RBFOX1: variants seen among roughly 807,000 people sequenced by gnomAD.
RBFOX1 encodes RNA binding protein fox-1 homolog 1.
RBFOX1 carries 8 observed loss-of-function variants against 57.7 expected under a neutral mutation model. That is an observed-to-expected ratio of 0.14 (90% CI 0.08 to 0.25). The LOEUF (loss-of-function observed/expected upper bound fraction) is 0.25, where lower values mean the gene tolerates loss of function less well. Among genes scored for constraint, RBFOX1 ranks in the 10% least tolerant of loss-of-function variants. The probability of loss-of-function intolerance (pLI) is 1.00; values close to 1 mark genes in which losing one functional copy is unlikely to be tolerated. For missense variants in RBFOX1, 611 were observed against 548.5 expected (o/e 1.11, Z -1.14); for synonymous variants, 326 against 222.4 (o/e 1.47, Z -4.15).
intron 4 of RBFOX1, among the ~76,000 whole-genome samples, chr16:5,916,781 A>G (rs990400730): frequency 1.3e-5 from 2 of 152,102 alleles, no homozygotes; most frequent in African/African-American, 4.8e-5. Context: ...TATTAGCTTT[A>G]CTTCTCAAAG....
rs1567761417 is a variant in RBFOX1 at position 6,895,456 on chromosome 16, A to ATG, written c.-15-156600_-15-156599insGT. On this transcript the variant is annotated intron_variant, in intron 3 of 15. Coordinates refer to ENST00000550418, the MANE Select transcript of RBFOX1 (RefSeq NM_018723.4). ...TGTGTGTGTGTGTGTGTGTATATAT[A>ATG]TATATATATATATATATATATATAT... Among the ~76,000 whole-genome samples, 168 of 79,476 alleles carry ATG rather than the reference A, an allele frequency of 2.1e-3. 6 individuals carry two copies. The highest frequency in any genetic ancestry group is 5.2e-3 in the Admixed American group (45 of 8,670). 52.1% of individuals were successfully genotyped at this position (79,476 alleles called of 152,430 possible).
At chr16:6,931,220 C>T (rs1035858292) in intron 3 of RBFOX1, among the ~76,000 whole-genome samples, 1 of 151,460 alleles carries the variant, frequency 6.6e-6, no homozygotes, top group Non-Finnish European at 1.5e-5. Flanking sequence ...CTTCTCTCTA[C>T]TGATGGGAAT....
Position 6,650,519 on chromosome 16 carries a change from C to G in RBFOX1, c.-63-4084C>G, listed in dbSNP as rs35960854. Among the ~76,000 whole-genome samples the G allele has an allele frequency of 4.2e-3, 634 of 152,246 alleles. 7 individuals carry two copies. The highest frequency in any genetic ancestry group is 0.014 in the African/African-American group (590 of 41,536). On this transcript the variant is annotated intron_variant, in intron 2 of 15. Coordinates refer to ENST00000550418, the MANE Select transcript of RBFOX1 (RefSeq NM_018723.4). ...TCACAATTATCATGCCACAGAGTAA[C>G]TAAGGAATACCCACTTTGTCGAATG...
chr16:6,120,363 A>C (rs1193373438), intron 1 of RBFOX1, among the ~76,000 whole-genome samples: 1 of 152,200 alleles, frequency 6.6e-6, no homozygotes, highest in African/African-American at 2.4e-5. Context: ...GCTGTTTCCC[A>C]CAGCAGCCAC....
intron 3 of RBFOX1, among the ~76,000 whole-genome samples, chr16:5,755,807 A>G (rs2053373973): frequency 6.6e-6 from 1 of 152,148 alleles, no homozygotes; most frequent in Non-Finnish European, 1.5e-5. Context: ...CATGTTGGTC[A>G]GGCTGGTCTC....
At chr16:7,707,790 C>T (rs1054705501) in intron 14 of RBFOX1, among the ~76,000 whole-genome samples, 3 of 152,178 alleles carry the variant, frequency 2.0e-5, no homozygotes, top group East Asian at 1.9e-4. Context: ...AGGATCAGGT[C>T]GCAGATATTC....
At chr16:7,057,579 G>C (rs549966179) in intron 4 of RBFOX1, among the ~76,000 whole-genome samples, 1 of 152,340 alleles carries the variant, frequency 6.6e-6, no homozygotes, top group South Asian at 2.1e-4. Context: ...GATTGGCTTA[G>C]TCTGGATCAG....
At chr16:5,959,497 C>T (rs760136590) in intron 4 of RBFOX1, among the ~76,000 whole-genome samples, 1 of 152,092 alleles carries the variant, frequency 6.6e-6, no homozygotes, top group Non-Finnish European at 1.5e-5. Flanking sequence ...AGTAGTGTTC[C>T]TCATTTTGAG....
chr16:5,893,747 A>C (rs1292123336), intron 4 of RBFOX1, among the ~76,000 whole-genome samples: 2 of 152,030 alleles, frequency 1.3e-5, no homozygotes, highest in Admixed American at 6.6e-5. Flanking sequence ...CAGAGGTTGC[A>C]GTGAGCCAAG....
Position 6,844,897 on chromosome 16 carries a change from T to G in RBFOX1, c.-16+190247T>G, listed in dbSNP as rs533464125. ...CCATTCTGACTGGTGTGAGATGGTATCTCATTGTGGTTTTGATTTGAATTT... is the reference window on the plus strand; with the variant it reads ...CCATTCTGACTGGTGTGAGATGGTAGCTCATTGTGGTTTTGATTTGAATTT... On this transcript the variant is annotated intron_variant, in intron 3 of 15. Coordinates refer to ENST00000550418, the MANE Select transcript of RBFOX1 (RefSeq NM_018723.4). Among the ~76,000 whole-genome samples the G allele has an allele frequency of 2.0e-5, 3 of 152,338 alleles. No homozygotes were observed. The South Asian group carries it at 6.2e-4, about 32-fold the overall frequency.
chr16:6,927,174 G>A (rs1310470779), intron 3 of RBFOX1, among the ~76,000 whole-genome samples: 3 of 151,876 alleles, frequency 2.0e-5, no homozygotes, highest in Non-Finnish European at 4.4e-5. Flanking sequence ...GAATTGTTAG[G>A]TCTGGGTGGG....
intron 2 of RBFOX1, among the ~76,000 whole-genome samples, chr16:6,648,514 A>G (rs1433002895): frequency 6.6e-6 from 1 of 152,150 alleles, no homozygotes; most frequent in Non-Finnish European, 1.5e-5. Flanking sequence ...CCGTGAGTCT[A>G]ATGCCAGGAG....
intron 2 of RBFOX1, among the ~76,000 whole-genome samples, chr16:5,470,233 G>C (rs965882828): frequency 6.6e-6 from 1 of 152,204 alleles, no homozygotes; most frequent in Admixed American, 6.5e-5. Context: ...TCAGCCCTGG[G>C]TAGCATGGTT....
At chr16:6,118,658 CTCCTTCCTTCCTTCCTTCT>C (rs2096524434) in intron 1 of RBFOX1, among the ~76,000 whole-genome samples, 1 of 150,106 alleles carries the variant, frequency 6.7e-6, no homozygotes, top group African/African-American at 2.5e-5. Flanking sequence ...CTCTTTCCCT[CTCCTTCCTTCCTTCCTTCT>C]TCCTTCCTTC....
At chr16:7,566,827 C>G (rs1289763692) in intron 5 of RBFOX1, among the ~76,000 whole-genome samples, 2 of 152,018 alleles carry the variant, frequency 1.3e-5, no homozygotes, top group Non-Finnish European at 2.9e-5. Context: ...TCTATGTATC[C>G]TCCAGGGAGC....
At chr16:7,056,832 C>T (rs926062589) in intron 4 of RBFOX1, among the ~76,000 whole-genome samples, 5 of 152,096 alleles carry the variant, frequency 3.3e-5, no homozygotes, top group Admixed American at 1.3e-4. Flanking sequence ...TACTGATCTG[C>T]AATATGGCAA....
rs9923100 is a variant in RBFOX1 at position 7,273,196 on chromosome 16, T to C, written c.27+221098T>C. On this transcript the variant is annotated intron_variant, in intron 4 of 15. Transcript: ENST00000550418. ...TCCCTCCCTTCCTTCCTCCCTTCCT[T>C]CCTCCCTCCCTTCCTTCCTTCCTTC... 1.8e-3 allele frequency among the ~76,000 whole-genome samples: 92 copies of C among 50,672 alleles called. 3 individuals carry two copies. The highest frequency in any genetic ancestry group is 1.7e-3 in the Non-Finnish European group (45 of 26,428). 33.2% of individuals were successfully genotyped at this position (50,672 alleles called of 152,430 possible). A position where few individuals can be genotyped will look rare whatever the true frequency, so the allele number is the denominator to read the frequency against.
chr16:6,037,516 T>C (rs1452745914), intron 1 of RBFOX1: 4 of 114,658 alleles, frequency 3.5e-5, no homozygotes, highest in African/African-American at 5.4e-5. Flanking sequence ...TTGGTATCTA[T>C]TGGTCACTTA....
intron 3 of RBFOX1, among the ~76,000 whole-genome samples, chr16:5,768,561 G>A (rs910525514): frequency 3.9e-5 from 6 of 152,112 alleles, no homozygotes; most frequent in African/African-American, 1.2e-4. Context: ...ACATACCAGC[G>A]TGGATCCTGT....
Sources: gnomAD v4.1 joint callset for allele counts (sites outside exome capture counted in the v4.1 genomes callset) on GRCh38, gnomAD v4.1.1 for gene constraint, MANE v1.5 for transcripts, NCBI Gene and HGNC (gene_info 2026-07-23, HGNC 2026-07-21) for gene names.